The following RBPMS2 variants were observed in gnomAD, a reference collection of about 807,000 sequenced individuals.
RBPMS2 encodes the protein RNA-binding protein with multiple splicing 2.
In RBPMS2, 14 loss-of-function variants were observed where a neutral mutation model predicts 25.7. The observed-to-expected ratio is 0.55, with a 90% confidence interval of 0.36 to 0.85. The LOEUF is 0.85. Among genes scored for constraint, RBPMS2 ranks in the 40% least tolerant of loss-of-function variants. RBPMS2 has a pLI of 0.01. For missense variants in RBPMS2, 252 were observed against 283.4 expected, an observed-to-expected ratio of 0.89 and a Z score of 0.80; for synonymous variants, 127 against 115.6, an observed-to-expected ratio of 1.10 and a Z score of -0.63.
chr15:64,763,851 T>A (rs891050881), intron 1 of RBPMS2, among the ~76,000 whole-genome samples: 2 of 150,878 alleles, frequency 1.3e-5, no homozygotes, highest in Non-Finnish European at 3.0e-5. Flanking sequence ...TAAGCCAGGG[T>A]GAAAAGTTAT....
intron 1 of RBPMS2, among the ~76,000 whole-genome samples, chr15:64,764,955 G>A (rs1275208199): frequency 3.4e-5 from 5 of 148,502 alleles, no homozygotes; most frequent in Non-Finnish European, 7.4e-5. Context: ...GGCCAGGCAC[G>A]GTGGCTCACG....
At chr15:64,748,730 G>A (rs1489623213) in intron 5 of RBPMS2, among the ~76,000 whole-genome samples, 163 bp from the exon 6 acceptor site, 4 of 152,046 alleles carry the variant, frequency 2.6e-5, no homozygotes, top group Non-Finnish European at 2.9e-5. Context: ...ACGTTAAATC[G>A]GCCTGTCATG....
intron 3 of RBPMS2, among the ~76,000 whole-genome samples, chr15:64,750,108 C>T (rs1410076089): frequency 6.6e-6 from 1 of 151,830 alleles, no homozygotes; most frequent in African/African-American, 2.4e-5. Context: ...CCTCAGCCAG[C>T]GGGGCTCCCA....
intron 1 of RBPMS2, among the ~76,000 whole-genome samples, chr15:64,772,342 C>T (rs2083898504): frequency 6.6e-6 from 1 of 152,324 alleles, no homozygotes; most frequent in East Asian, 1.9e-4. Flanking sequence ...ATGTCGTCCC[C>T]AGCTCCAGTC....
Position 64,758,985 on chromosome 15 carries a change from G to A in RBPMS2, c.88-7347C>T, listed in dbSNP as rs150204414. Among the ~76,000 whole-genome samples the A allele has an allele frequency of 2.2e-4, 34 of 152,046 alleles. No individual in the cohort carries two copies. In the East Asian group the frequency reaches 5.0e-3, roughly 22 times the overall value. ...TTATTTTTATTTTTTGAGATGGGGCGTCACTCTGTGGCCTGGGCTGGTCTC... is the reference window on the plus strand; with the variant it reads ...TTATTTTTATTTTTTGAGATGGGGCATCACTCTGTGGCCTGGGCTGGTCTC... On this transcript the variant is annotated intron_variant, in intron 1 of 7. Coordinates refer to ENST00000300069, the MANE Select transcript of RBPMS2 (RefSeq NM_194272.3).
intron 2 of RBPMS2, among the ~76,000 whole-genome samples, chr15:64,751,260 GA>G (rs1435712477): frequency 1.3e-4 from 20 of 151,954 alleles, no homozygotes; most frequent in African/African-American, 4.8e-4. Flanking sequence ...TTGAACCCAG[GA>G]GGCAGCGGTT....
chr15:64,740,071 A>T lies in RBPMS2; in HGVS notation c.*937T>A, dbSNP rs181770639. 6.5e-6 allele frequency: 1 copy of T among 152,714 alleles called. No homozygotes were observed. The highest frequency in any genetic ancestry group is 1.9e-4 in the East Asian group (1 of 5,190). 9.5% of individuals were successfully genotyped at this position (152,714 alleles called of 1,614,324 possible). A position where few individuals can be genotyped will look rare whatever the true frequency, so the allele number is the denominator to read the frequency against. On this transcript the variant is annotated 3_prime_UTR_variant, in exon 8 of 8. Transcript: ENST00000300069. ...AAAAACATTGCACAGTGTTTCCTTC[A>T]TTTCATTTTCTTAAACAAATGCCAG... is the stretch of plus-strand genomic sequence containing the variant.
chr15:64,754,454 A>T (rs1414729875), intron 1 of RBPMS2, among the ~76,000 whole-genome samples: 1 of 152,136 alleles, frequency 6.6e-6, no homozygotes, highest in Non-Finnish European at 1.5e-5. Flanking sequence ...TCTACTAAAA[A>T]ATACAAAATT....
intron 6 of RBPMS2, among the ~76,000 whole-genome samples, chr15:64,741,714 G>A (rs1458656773): frequency 6.6e-6 from 1 of 152,248 alleles, no homozygotes; most frequent in African/African-American, 2.4e-5. Flanking sequence ...ATATGTGGTT[G>A]TGAGGATCAG....
chr15:64,774,132 C>T lies in RBPMS2; in HGVS notation c.87+1101G>A, dbSNP rs531728799. Among the ~76,000 whole-genome samples the T allele has an allele frequency of 3.9e-5, 6 of 152,340 alleles. 1 individual carries two copies. In the South Asian group the frequency reaches 1.0e-3, roughly 26 times the overall value. ...ACCGGCGCCATTCTGCACCAACCCC[C>T]AGCACAAGGGGAGGAGGCAACACCA... is the stretch of plus-strand genomic sequence containing the variant. On this transcript the variant is annotated intron_variant, in intron 1 of 7. Transcript: ENST00000300069.
intron 5 of RBPMS2, 48 bp from the exon 6 acceptor site, chr15:64,748,615 T>C: frequency 6.6e-7 from 1 of 1,509,712 alleles, no homozygotes; most frequent in South Asian, 1.3e-5. Flanking sequence ...TCGCCTCCCC[T>C]TCCAAACGGA....
chr15:64,765,640 TTCA>T (rs1328976792), intron 1 of RBPMS2, among the ~76,000 whole-genome samples: 1 of 151,612 alleles, frequency 6.6e-6, no homozygotes, highest in Non-Finnish European at 1.5e-5. Flanking sequence ...GCAGAGCCTT[TTCA>T]TCAATAGTTC....
At chr15:64,768,642 A>G (rs564712571) in intron 1 of RBPMS2, among the ~76,000 whole-genome samples, 2 of 144,172 alleles carry the variant, frequency 1.4e-5, no homozygotes, top group South Asian at 2.2e-4. Flanking sequence ...TGTCTCGAGG[A>G]AAAAAAAAAA....
chr15:64,754,266 C>G (rs552033288), intron 1 of RBPMS2, among the ~76,000 whole-genome samples: 2 of 152,020 alleles, frequency 1.3e-5, no homozygotes, highest in East Asian at 3.9e-4. Flanking sequence ...GAGCCAAGAT[C>G]GCACCACTGC....
At chr15:64,751,677 A>C (rs1417250957) in intron 1 of RBPMS2, 39 bp from the exon 2 acceptor site, 1 of 1,561,348 alleles carries the variant, frequency 6.4e-7, no homozygotes, top group South Asian at 1.1e-5. Context: ...AGGCTGCCCA[A>C]GACGGACAGG....
intron 1 of RBPMS2, among the ~76,000 whole-genome samples, chr15:64,754,013 T>C (rs1015097956): frequency 9.2e-5 from 14 of 152,144 alleles, no homozygotes; most frequent in African/African-American, 3.1e-4. Context: ...GACCTGGAAC[T>C]CAAAACCCAG....
At chr15:64,760,798 A>C (rs1259976703) in intron 1 of RBPMS2, among the ~76,000 whole-genome samples, 1 of 151,190 alleles carries the variant, frequency 6.6e-6, no homozygotes, top group Non-Finnish European at 1.5e-5. Context: ...GTGAAACTCC[A>C]TCTCGAAAAA....
chr15:64,762,431 T>C (rs1410991358), intron 1 of RBPMS2: 2 of 534,664 alleles, frequency 3.7e-6, no homozygotes, highest in Admixed American at 3.9e-5. Context: ...CCTACATTTC[T>C]AAGTTTACGG....
rs1469690920 is a variant in RBPMS2, at chr15:64,750,396, G to A, written c.166-15C>T. On this transcript the variant is annotated splice_polypyrimidine_tract_variant and intron_variant, in intron 2 of 7. Transcript: ENST00000300069. The stretch of plus-strand genomic sequence containing the variant: ...CCTTCATACCCCTGCGGAGAGAGGT[G>A]GCTGTTACCGTGGAAGGTCAGAAGC... The A allele has an allele frequency of 2.5e-6, 4 of 1,612,582 alleles. No homozygotes were observed. The highest frequency in any genetic ancestry group is 3.4e-6 in the Non-Finnish European group (4 of 1,178,754).
Sources: allele counts gnomAD v4.1 joint callset (sites outside exome capture counted in the v4.1 genomes callset), GRCh38; gene constraint gnomAD v4.1.1; transcripts MANE v1.5; gene names NCBI Gene and HGNC (gene_info 2026-07-23, HGNC 2026-07-21).